Variants in ADD1 observed in about 807,000 individuals in gnomAD.
ADD1 encodes the protein alpha-adducin.
A neutral mutation model predicts 80.5 loss-of-function variants in ADD1; 24 were observed. That is an observed-to-expected ratio of 0.30 (90% confidence interval 0.22 to 0.42). ADD1 has a LOEUF of 0.42. ADD1 is among the 10% of genes least tolerant of loss of function. ADD1 has a pLI of 1.00. For synonymous variants in ADD1, 373 were observed against 393.8 expected, an observed-to-expected ratio of 0.95 and a Z score of 0.63; for missense variants, 948 against 1,019.0, an observed-to-expected ratio of 0.93 and a Z score of 0.95.
chr4:2,875,353 A>G (rs995146917), intron 1 of ADD1, among the ~76,000 whole-genome samples: 2 of 152,164 alleles, frequency 1.3e-5, no homozygotes, highest in Admixed American at 6.5e-5. Flanking sequence ...GGTACCTGCC[A>G]TTGTTCTTTT....
chr4:2,927,312 G>T (rs908751808), intron 15 of ADD1, among the ~76,000 whole-genome samples: 6 of 152,196 alleles, frequency 3.9e-5, no homozygotes, highest in Admixed American at 6.5e-5. Context: ...GGGGCAGCTG[G>T]CAGGGTGGGG....
chr4:2,855,885 G>C (rs1727982831), intron 1 of ADD1, among the ~76,000 whole-genome samples: 1 of 151,342 alleles, frequency 6.6e-6, no homozygotes, highest in Non-Finnish European at 1.5e-5. Context: ...TTTTTTTGTT[G>C]AAACAGGGTT....
At chr4:2,848,647 T>G (rs775605858) in intron 1 of ADD1, among the ~76,000 whole-genome samples, 12 of 151,996 alleles carry the variant, frequency 7.9e-5, no homozygotes, top group Admixed American at 2.0e-4. Flanking sequence ...TTTTTTTTTT[T>G]TTTGAGATAA....
chr4:2,880,412 T>A (rs1732054785), intron 2 of ADD1, among the ~76,000 whole-genome samples: 1 of 151,166 alleles, frequency 6.6e-6, no homozygotes, highest in Non-Finnish European at 1.5e-5. Flanking sequence ...TGAACTTAAA[T>A]TTTCATACCG....
At chr4:2,884,471 G>A (rs188827678) in intron 3 of ADD1, 44 bp from the exon 4 acceptor site, 61 of 1,527,726 alleles carry the variant, frequency 4.0e-5, no homozygotes, top group Non-Finnish European at 4.6e-5. Context: ...GACTACAGGC[G>A]TATACCACTG....
At chr4:2,897,148 T>C (rs1735380562) in intron 6 of ADD1, among the ~76,000 whole-genome samples, 1 of 152,148 alleles carries the variant, frequency 6.6e-6, no homozygotes, top group Admixed American at 6.6e-5. Flanking sequence ...AAATGTGGTA[T>C]TGTCTTTTTA....
intron 1 of ADD1, among the ~76,000 whole-genome samples, chr4:2,845,326 C>G (rs1019124504): frequency 3.3e-5 from 5 of 152,174 alleles, no homozygotes; most frequent in Non-Finnish European, 7.3e-5. Flanking sequence ...CCGCCTAGGC[C>G]TCCAAAAGTG....
chr4:2,870,246 CA>C (rs1730215103), intron 1 of ADD1, among the ~76,000 whole-genome samples: 3 of 152,192 alleles, frequency 2.0e-5, no homozygotes, highest in Non-Finnish European at 4.4e-5. Flanking sequence ...GGTTTAGTTA[CA>C]CATTAATAAA....
In ADD1 at chr4:2,923,753, C is replaced by T. The variant is rs144322465; in HGVS notation, c.1949-2261C>T. Among the ~76,000 whole-genome samples, 48 of 152,390 alleles carry T rather than the reference C, an allele frequency of 3.1e-4. 1 individual carries two copies. The highest frequency in any genetic ancestry group is 1.1e-3 in the African/African-American group (44 of 41,596). ...GCCCAGTGCTATTGTGCGTACATCT[C>T]ATCTCATTCTCAAAGTAACCCTGAG... On this transcript the variant is annotated intron_variant, in intron 14 of 15. Transcript: ENST00000683351.
At chr4:2,866,436 A>G (rs1289715797) in intron 1 of ADD1, among the ~76,000 whole-genome samples, 1 of 151,524 alleles carries the variant, frequency 6.6e-6, no homozygotes, top group Non-Finnish European at 1.5e-5. Flanking sequence ...TTGGCCTCCC[A>G]GAGTGCTGGG....
chr4:2,926,712 C>G lies in ADD1; in HGVS notation c.2047+600C>G. 1 of 1,604,756 alleles carries G rather than the reference C, an allele frequency of 6.2e-7. No individual in the cohort carries two copies. ...GCTGCCTCCGCTCTCCACCGGTGCC[C>G]TGCGCTTTGCCTCATTCTCCTGCTT... On this transcript the variant is annotated intron_variant, in intron 15 of 15. Coordinates refer to ENST00000683351, the MANE Select transcript of ADD1 (RefSeq NM_001354761.2). This position sits in a 1 kb window ranked among gnomAD's most constrained non-coding sequence, Gnocchi z 5.0.
At chr4:2,898,641 CTT>C (rs748364838) in intron 8 of ADD1, 110 bp downstream of exon 8, 3 of 936,188 alleles carry the variant, frequency 3.2e-6, no homozygotes, top group African/African-American at 3.2e-5. Context: ...TGAGCAATCT[CTT>C]TGCCAAAGAT....
chr4:2,913,712 G>GTGAGTT (rs1178677202), intron 13 of ADD1, among the ~76,000 whole-genome samples: 2 of 151,932 alleles, frequency 1.3e-5, no homozygotes, highest in Non-Finnish European at 2.9e-5. Flanking sequence ...GTCGGCCTGT[G>GTGAGTT]TGAGTTGAAT....
In ADD1 at chr4:2,898,318, TA is replaced by T; in HGVS notation, c.880del (p.Ser294AlafsTer48). 1 of 1,614,198 alleles carries T rather than the reference TA, an allele frequency of 6.2e-7. No homozygotes were observed. On this transcript the variant is annotated frameshift_variant, in exon 7 of 16. Transcript: ENST00000683351. LOFTEE classifies it high-confidence loss of function. ...KVLIQKNLGPKSKVLILRNHG... is the reference protein window; with the variant it reads ...KVLIQKNLGPXSKVLILRNHG... ...TTTTGATTCAGAAAAATCTGGGGCC[TA>T]AAAGCAAGGTCAGTAGGCATCTAAT...
chr4:2,919,038 A>T (rs915763119), intron 14 of ADD1, among the ~76,000 whole-genome samples: 3 of 151,792 alleles, frequency 2.0e-5, no homozygotes, highest in African/African-American at 7.3e-5. Flanking sequence ...GCGGGGTTTC[A>T]CCATGTTGGC....
intron 12 of ADD1, chr4:2,908,977 G>C: frequency 2.3e-6 from 1 of 441,776 alleles, no homozygotes; most frequent in Non-Finnish European, 4.1e-6. Flanking sequence ...CTGCAACAAA[G>C]TGCTGCTTGG....
At chr4:2,906,078 T>G (rs1000103825) in intron 10 of ADD1, among the ~76,000 whole-genome samples, 6 of 152,236 alleles carry the variant, frequency 3.9e-5, no homozygotes, top group Non-Finnish European at 7.3e-5. Flanking sequence ...ACCAAATACA[T>G]AAAGTGGGGC....
intron 13 of ADD1, 52 bp from the exon 14 acceptor site, chr4:2,914,832 G>C: frequency 1.3e-6 from 2 of 1,535,312 alleles, no homozygotes; most frequent in East Asian, 4.6e-5. Context: ...GGAGGAGGGA[G>C]AGTCCCCATC....
At chr4:2,857,887 C>T (rs909533068) in intron 1 of ADD1, among the ~76,000 whole-genome samples, 1 of 152,136 alleles carries the variant, frequency 6.6e-6, no homozygotes, top group African/African-American at 2.4e-5. Flanking sequence ...AAAATGACTT[C>T]TAAAGTTCCT....
Sources: gnomAD v4.1 joint callset for allele counts (sites outside exome capture counted in the v4.1 genomes callset) on GRCh38, gnomAD v4.1.1 for gene constraint, Gnocchi (gnomAD v3.1) non-coding constraint, MANE v1.5 for transcripts, NCBI Gene and HGNC (gene_info 2026-07-23, HGNC 2026-07-21) for gene names.